Variants in PCDHGA5 observed in about 807,000 individuals in gnomAD.
PCDHGA5 encodes the protein protocadherin gamma-A5.
PCDHGA5 carries 36 observed loss-of-function variants against 56.7 expected under a neutral mutation model. The ratio of observed to expected loss-of-function variants is 0.64; its 90% CI spans 0.49 to 0.84. PCDHGA5 has a LOEUF of 0.84. Ranked by LOEUF, PCDHGA5 falls within the 40% of genes least tolerant of loss-of-function variation. PCDHGA5 has a pLI of 0.00. For missense variants in PCDHGA5, 1,305 were observed against 1,201.5 expected (o/e 1.09, Z -1.27); for synonymous variants, 563 against 520.2 (o/e 1.08, Z -1.12).
At position 141,366,316 on chromosome 5, in the gene PCDHGA5, TGCCGTG is replaced by T; in HGVS notation, c.1991_1996del (p.Val664_Ala665del). On this transcript the variant is annotated inframe_deletion, in exon 1 of 4. Transcript: ENST00000518069. ...TGTCAGCCACCTTCACGGTCACCGT[TGCCGTG>T]GCCGACAGGATCCCTGACATCCTGG... 6.2e-7 allele frequency: 1 copy of T among 1,613,764 alleles called. No homozygotes were observed. Among genetic ancestry groups the T allele is most frequent in the African/African-American group, 1.3e-5 (1 of 75,078 alleles).
At chr5:141,454,267 A>G (rs1270638226) in intron 1 of PCDHGA5, among the ~76,000 whole-genome samples, 1 of 152,254 alleles carries the variant, frequency 6.6e-6, no homozygotes, top group Non-Finnish European at 1.5e-5. Context: ...AAGTAATGCC[A>G]GCAAAAACTT....
chr5:141,366,547 C>T lies in PCDHGA5; in HGVS notation c.2217C>T (p.His739=). 1 of 1,614,240 alleles carries T rather than the reference C, an allele frequency of 6.2e-7. No individual in the cohort carries two copies. Among genetic ancestry groups the T allele is most frequent in the Non-Finnish European group, 8.5e-7 (1 of 1,180,036 alleles). Residue 739 remains histidine (H), a synonymous_variant, in exon 1 of 4, where the codon CAC becomes CAT. Transcript: ENST00000518069. ...GSRLAGVPAS[H]FVGVDGVRAF... is the part of the protein sequence containing the mutation. ...GGTTGGCGGGTGTGCCCGCCTCGCACTTTGTGGGCGTGGATGGGGTTCGGG... is the reference window on the plus strand; with the variant it reads ...GGTTGGCGGGTGTGCCCGCCTCGCATTTTGTGGGCGTGGATGGGGTTCGGG...
Position 141,432,320 on chromosome 5 carries a change from G to A in PCDHGA5, c.2422-62487G>A, listed in dbSNP as rs369088426. 4 of 1,614,120 alleles carry A rather than the reference G, an allele frequency of 2.5e-6. No individual in the cohort carries two copies. The African/African-American group carries it at 4.0e-5, about 16-fold the overall frequency. On this transcript the variant is annotated intron_variant, in intron 1 of 3. Coordinates refer to ENST00000518069, the MANE Select transcript of PCDHGA5 (RefSeq NM_018918.3). The surrounding 1 kb of genome is among the most constrained non-coding windows in gnomAD (Gnocchi z 6.0). ...GGTACTGTATGCGCTGAGCTCCTTC[G>A]ACTACGAGCAGTTCCGAGACTTGCA...
chr5:141,419,618 C>T (rs746617593), intron 1 of PCDHGA5: 3 of 1,612,326 alleles, frequency 1.9e-6, no homozygotes, highest in South Asian at 1.1e-5. Flanking sequence ...GCCAGGCTAC[C>T]TGGTGACCAA....
intron 3 of PCDHGA5, among the ~76,000 whole-genome samples, chr5:141,509,262 ACT>A (rs761383166): frequency 9.2e-5 from 14 of 151,714 alleles, no homozygotes; most frequent in Non-Finnish European, 1.9e-4. Flanking sequence ...GGCTTTAGTC[ACT>A]CTCGCTACCC....
At chr5:141,373,775 C>A in intron 1 of PCDHGA5, 1 of 265,272 alleles carries the variant, frequency 3.8e-6, no homozygotes, top group Non-Finnish European at 7.0e-6. Flanking sequence ...GTCATCTCTG[C>A]AGATTTAGCA....
Position 141,486,446 on chromosome 5 carries a change from G to T in PCDHGA5, c.2422-8361G>T. ...GGCCAAATCTAGCTATGACATCATGGTCACTGCTTCTGATGCTGGGAACCC... is the reference window on the plus strand; with the variant it reads ...GGCCAAATCTAGCTATGACATCATGTTCACTGCTTCTGATGCTGGGAACCC... On this transcript the variant is annotated intron_variant, in intron 1 of 3. Coordinates refer to ENST00000518069, the MANE Select transcript of PCDHGA5 (RefSeq NM_018918.3). The surrounding 1 kb of genome is among the most constrained non-coding windows in gnomAD (Gnocchi z 5.0). 2 of 1,614,126 alleles carry T rather than the reference G, an allele frequency of 1.2e-6. No individual in the cohort carries two copies. Among genetic ancestry groups the T allele is most frequent in the Non-Finnish European group, 1.7e-6 (2 of 1,180,004 alleles).
At chr5:141,375,619 G>C in intron 1 of PCDHGA5, 1 of 1,614,216 alleles carries the variant, frequency 6.2e-7, no homozygotes, top group Non-Finnish European at 8.5e-7. Flanking sequence ...CCGACACTGG[G>C]ATTCTGTACG....
In PCDHGA5 at chr5:141,476,327, G is replaced by A. The variant is rs2099389169; in HGVS notation, c.2422-18480G>A. The A allele has an allele frequency of 1.2e-6, 2 of 1,614,192 alleles. No individual in the cohort carries two copies. Among genetic ancestry groups the A allele is most frequent in the African/African-American group, 1.3e-5 (1 of 75,046 alleles). On this transcript the variant is annotated intron_variant, in intron 1 of 3. Transcript: ENST00000518069. The surrounding 1 kb of genome is among the most constrained non-coding windows in gnomAD (Gnocchi z 7.6). ...AGCCCGCAGGTTCCGGGTGGTGTCT[G>A]GAGCTAGCCGAAGATTCTTTGAGGT...
intron 1 of PCDHGA5, among the ~76,000 whole-genome samples, chr5:141,455,732 A>G (rs1056074268): frequency 6.6e-6 from 1 of 152,190 alleles, no homozygotes; most frequent in Non-Finnish European, 1.5e-5. Context: ...CTGCATTTGC[A>G]TATCAAAGGT....
chr5:141,463,910 A>G (rs2099071862), intron 1 of PCDHGA5, among the ~76,000 whole-genome samples: 1 of 152,178 alleles, frequency 6.6e-6, no homozygotes, highest in Admixed American at 6.5e-5. Flanking sequence ...CTAATAATAT[A>G]TCCTGGAAAT....
intron 1 of PCDHGA5, among the ~76,000 whole-genome samples, chr5:141,464,749 T>A (rs1026757405): frequency 6.6e-6 from 1 of 152,216 alleles, no homozygotes; most frequent in African/African-American, 2.4e-5. Context: ...ATCTTTTTGT[T>A]TTTTTAGAGA....
intron 1 of PCDHGA5, chr5:141,408,814 A>G (rs1473137465): frequency 6.8e-6 from 11 of 1,613,456 alleles, no homozygotes; most frequent in Non-Finnish European, 8.5e-6. Context: ...ACCGGGAAGA[A>G]CAGAGATCTC....
chr5:141,420,321 C>G (rs763682825), intron 1 of PCDHGA5: 2 of 1,410,974 alleles, frequency 1.4e-6, no homozygotes, highest in Non-Finnish European at 1.9e-6. Flanking sequence ...TACAATATGC[C>G]AATATATTCC....
intron 1 of PCDHGA5, among the ~76,000 whole-genome samples, chr5:141,492,949 A>G (rs1470301496): frequency 6.6e-6 from 1 of 152,226 alleles, no homozygotes; most frequent in African/African-American, 2.4e-5. Flanking sequence ...GGAGGTGACC[A>G]AACTATCTGA....
At chr5:141,509,169 T>C (rs1321257504) in intron 3 of PCDHGA5, among the ~76,000 whole-genome samples, 2 of 152,174 alleles carry the variant, frequency 1.3e-5, no homozygotes, top group African/African-American at 4.8e-5. Context: ...TGTGCCCTCC[T>C]CCTCTTATGC....
rs576594507 is a variant in PCDHGA5, at chr5:141,397,831, A to T, written c.2421+31080A>T. On this transcript the variant is annotated intron_variant, in intron 1 of 3. Transcript: ENST00000518069. ...CACAAAAACAATTACTGCACTGGTT[A>T]ACTTGAAGCCGCAGAGGCTGTAGTT... 9.5e-4 allele frequency among the ~76,000 whole-genome samples: 145 copies of T among 152,360 alleles called. 1 individual carries two copies. The highest frequency in any genetic ancestry group is 1.8e-3 in the Non-Finnish European group (124 of 68,036).
At chr5:141,466,019 G>C (rs1466918487) in intron 1 of PCDHGA5, among the ~76,000 whole-genome samples, 1 of 152,062 alleles carries the variant, frequency 6.6e-6, no homozygotes, top group African/African-American at 2.4e-5. Flanking sequence ...CTACTCGGGA[G>C]GGTGAGGCAG....
chr5:141,366,049 G>T lies in PCDHGA5; in HGVS notation c.1719G>T (p.Thr573=), dbSNP rs542025009. The change falls in exon 1 of 4, where the codon ACG becomes ACT. Residue 573 remains threonine (T), a synonymous_variant. Coordinates refer to ENST00000518069, the MANE Select transcript of PCDHGA5 (RefSeq NM_018918.3). ...CCGCCCTCCCCACAGACGGTTCCAC[G>T]GGCGTGGAGCTGGCGCCTCGCTCCG... is the stretch of plus-strand genomic sequence containing the variant. ...LYPALPTDGS[T]GVELAPRSAE... is the part of the protein sequence containing the mutation. The T allele has an allele frequency of 1.7e-5, 28 of 1,614,244 alleles. No individual in the cohort carries two copies. Among genetic ancestry groups the T allele is most frequent in the African/African-American group, 4.0e-5 (3 of 75,074 alleles).
Sources: gnomAD v4.1 joint callset for allele counts (sites outside exome capture counted in the v4.1 genomes callset) on GRCh38, gnomAD v4.1.1 for gene constraint, Gnocchi (gnomAD v3.1) non-coding constraint, MANE v1.5 for transcripts, NCBI Gene and HGNC (gene_info 2026-07-23, HGNC 2026-07-21) for gene names.